FRY: variants seen among roughly 807,000 people sequenced by gnomAD.
FRY encodes FRY microtubule binding protein, also known as protein furry homolog.
In FRY, 128 loss-of-function variants were observed where a neutral mutation model predicts 348.4. The ratio of observed to expected loss-of-function variants is 0.37; its 90% CI spans 0.32 to 0.43. The LOEUF (loss-of-function observed/expected upper bound fraction) is 0.43, where lower values mean the gene tolerates loss of function less well. Among genes scored for constraint, FRY ranks in the 20% least tolerant of loss-of-function variants. The pLI, the probability that FRY is intolerant of heterozygous loss-of-function variation, is 1.00. For synonymous variants in FRY, 1,370 were observed against 1,374.7 expected (o/e 1.00, Z 0.08); for missense variants, 2,736 against 3,695.2 (o/e 0.74, Z 6.73).
Position 32,212,375 on chromosome 13 carries a change from G to A in FRY, c.4675G>A (p.Asp1559Asn). Residue 1559 changes from aspartate to asparagine, a missense_variant, in exon 35 of 61, where the codon GAT becomes AAT. Physicochemically the swap from Asp to Asn is conservative, Grantham distance 23. Coordinates refer to ENST00000542859, the MANE Select transcript of FRY (RefSeq NM_023037.3). ...GGAGAACAAGATATTGAAAGAATCT[G>A]ATGAAAGGTTGGTACACAAATTTGA... is the stretch of plus-strand genomic sequence containing the variant. ...AEENKILKES[D>N]ERFSNVIRAH... is the part of the protein sequence containing the mutation. 1 of 1,592,932 alleles carries A rather than the reference G, an allele frequency of 6.3e-7. No homozygotes were observed. The highest frequency in any genetic ancestry group is 1.7e-4 in the Middle Eastern group (1 of 6,034).
Position 32,299,021 on chromosome 13 carries a change from A to G in FRY, c.*3561A>G, listed in dbSNP as rs959708803. The G allele has an allele frequency of 1.3e-5, 2 of 152,260 alleles. No homozygotes were observed. The highest frequency in any genetic ancestry group is 4.8e-5 in the African/African-American group (2 of 41,472). The allele number at this position is 152,260 out of a possible 1,614,324, so 9.4% of individuals were successfully genotyped here. On this transcript the variant is annotated 3_prime_UTR_variant, in exon 61 of 61. Transcript: ENST00000542859. The stretch of plus-strand genomic sequence containing the variant: ...TAACAAAAGTTCCGTTGTGGTGGTT[A>G]TACAGCATTGTGAATGTACTTAATG...
chr13:32,254,809 T>C (rs559555020), intron 51 of FRY, among the ~76,000 whole-genome samples: 23 of 152,340 alleles, frequency 1.5e-4, no homozygotes, highest in Middle Eastern at 3.4e-3. Context: ...CCTTCAAAGC[T>C]TGCCTGCTAC....
At chr13:32,095,337 CTTTTTTTTTTTTTTTT>C (rs61006034) in intron 2 of FRY, among the ~76,000 whole-genome samples, 2 of 58,292 alleles carry the variant, frequency 3.4e-5, no homozygotes, top group Non-Finnish European at 5.9e-5. Flanking sequence ...TGTATGGAAG[CTTTTTTTTTTTTTTTT>C]TTTTTTTTTT....
intron 2 of FRY, among the ~76,000 whole-genome samples, chr13:32,089,754 T>C (rs1485944290): frequency 6.7e-6 from 1 of 148,184 alleles, no homozygotes; most frequent in African/African-American, 2.6e-5. Flanking sequence ...GAGTGAGACC[T>C]TGTCTCCAAA....
rs769985218 is a variant in FRY, at chr13:32,175,547, A to G, written c.2336A>G (p.Asp779Gly). Reference sequence around the variant, plus strand: ...AGTAATCGCCTCCCCTTTGTACAGGATGACGACAGGCCGATGATTGATGTC... The same window carrying G: ...AGTAATCGCCTCCCCTTTGTACAGGGTGACGACAGGCCGATGATTGATGTC... Reference protein sequence around the residue: ...ALFIALGQPEDDDRPMIDVMD... With the variant: ...ALFIALGQPEGDDRPMIDVMD... Residue 779 changes from aspartate to glycine, a missense_variant and splice_region_variant, in exon 20 of 61, where the codon GAT (aspartate) becomes GGT (glycine). By Grantham distance (94) the Asp-to-Gly change is moderately conservative (BLOSUM62 -1). This residue lies in a region of FRY where 449 missense variants were observed against 576.9 expected (regional missense o/e 0.78). Coordinates refer to ENST00000542859, the MANE Select transcript of FRY (RefSeq NM_023037.3). The G allele has an allele frequency of 1.2e-6, 2 of 1,603,704 alleles. No homozygotes were observed. The highest frequency in any genetic ancestry group is 1.7e-6 in the Non-Finnish European group (2 of 1,170,466).
chr13:32,246,974 T>C (rs1163564530), intron 47 of FRY, among the ~76,000 whole-genome samples: 38 of 151,610 alleles, frequency 2.5e-4, no homozygotes, highest in African/African-American at 9.0e-4. Flanking sequence ...GGGGAGAACT[T>C]TAAGAAAGAG....
chr13:32,267,656 T>A (rs1247911143), intron 55 of FRY, among the ~76,000 whole-genome samples: 2 of 152,166 alleles, frequency 1.3e-5, no homozygotes, highest in Non-Finnish European at 2.9e-5. Context: ...ATTAAGGGAA[T>A]CTTCTGCCAG....
chr13:32,109,441 T>TG (rs1877808852), intron 3 of FRY, among the ~76,000 whole-genome samples: 1 of 152,206 alleles, frequency 6.6e-6, no homozygotes, highest in Non-Finnish European at 1.5e-5. Context: ...GAGTTAATGA[T>TG]GCTAGGAAGG....
At chr13:32,285,648 G>T (rs993485690) in intron 58 of FRY, among the ~76,000 whole-genome samples, 13 of 152,140 alleles carry the variant, frequency 8.5e-5, no homozygotes, top group African/African-American at 2.9e-4. Context: ...ATAAAAAGCC[G>T]TTTTCTTCAC....
At chr13:32,037,505 A>G (rs1207235757) in intron 1 of FRY, among the ~76,000 whole-genome samples, 1 of 152,206 alleles carries the variant, frequency 6.6e-6, no homozygotes, top group East Asian at 1.9e-4. Context: ...CCATCATAAA[A>G]TCATGTACAG....
chr13:32,125,170 A>C (rs941758190), intron 7 of FRY, among the ~76,000 whole-genome samples: 2 of 152,242 alleles, frequency 1.3e-5, no homozygotes, highest in African/African-American at 4.8e-5. Context: ...AAGGAAGTTT[A>C]TCACTTTTGA....
intron 3 of FRY, 54 bp from the exon 4 acceptor site, chr13:32,117,280 C>G (rs1878357279): frequency 6.4e-7 from 1 of 1,573,194 alleles, no homozygotes; most frequent in South Asian, 1.1e-5. Context: ...TAAAAAGTTT[C>G]TCAGTAATTG....
chr13:32,244,212 C>G (rs1222685575), intron 47 of FRY, 30 bp downstream of exon 47: 2 of 1,603,096 alleles, frequency 1.2e-6, no homozygotes, highest in Non-Finnish European at 1.7e-6. Context: ...CACTAAGCAA[C>G]CAGTCGTTCT....
intron 3 of FRY, among the ~76,000 whole-genome samples, chr13:32,107,994 A>G (rs1299213092): frequency 6.6e-6 from 1 of 152,232 alleles, no homozygotes; most frequent in Non-Finnish European, 1.5e-5. Flanking sequence ...TTCTGGTAAT[A>G]AAGTAATTTA....
intron 1 of FRY, among the ~76,000 whole-genome samples, chr13:32,040,824 T>C (rs1872718850): frequency 6.6e-6 from 1 of 152,178 alleles, no homozygotes; most frequent in Admixed American, 6.5e-5. Context: ...TTTAAATATA[T>C]GATGATACAG....
intron 47 of FRY, among the ~76,000 whole-genome samples, chr13:32,245,629 T>C (rs1886755303): frequency 6.6e-6 from 1 of 151,546 alleles, no homozygotes; most frequent in Non-Finnish European, 1.5e-5. Flanking sequence ...TATAGATAGA[T>C]GGAAAGATAG....
At chr13:32,195,419 G>C (rs577097276) in intron 29 of FRY, among the ~76,000 whole-genome samples, 3 of 152,110 alleles carry the variant, frequency 2.0e-5, no homozygotes, top group South Asian at 4.1e-4. Context: ...TAAATTTTCA[G>C]ATATTTCAAC....
chr13:32,215,883 A>G (rs1030906559), intron 35 of FRY, among the ~76,000 whole-genome samples: 5 of 152,224 alleles, frequency 3.3e-5, no homozygotes, highest in African/African-American at 1.2e-4. Flanking sequence ...AGTATTTTCA[A>G]TATATCAATC....
At chr13:32,284,360 A>G (rs905534093) in intron 58 of FRY, among the ~76,000 whole-genome samples, 4 of 152,228 alleles carry the variant, frequency 2.6e-5, no homozygotes, top group Non-Finnish European at 5.9e-5. Flanking sequence ...ATACAAATTG[A>G]ACAAGTTAAG....
Sources: gnomAD v4.1 joint callset for allele counts (sites outside exome capture counted in the v4.1 genomes callset) on GRCh38, gnomAD v4.1.1 for gene constraint, gnomAD v4.1.1 regional missense constraint, MANE v1.5 for transcripts, NCBI Gene and HGNC (gene_info 2026-07-23, HGNC 2026-07-21) for gene names.